IQCJ: variants seen among roughly 807,000 people sequenced by gnomAD.
The protein encoded by IQCJ is IQ motif containing J, also known as IQ domain-containing protein J.
A neutral mutation model predicts 11.0 loss-of-function variants in IQCJ; 9 were observed. That is an observed-to-expected ratio of 0.82 (90% confidence interval 0.49 to 1.43). The LOEUF (loss-of-function observed/expected upper bound fraction) is 1.43, where lower values mean the gene tolerates loss of function less well. IQCJ is among the 40% of genes most tolerant of loss of function. The pLI, the probability that IQCJ is intolerant of heterozygous loss-of-function variation, is 0.00. For synonymous variants in IQCJ, 55 were observed against 51.3 expected, an observed-to-expected ratio of 1.07 and a Z score of -0.31; for missense variants, 146 against 133.2, an observed-to-expected ratio of 1.10 and a Z score of -0.47.
intron 1 of IQCJ, among the ~76,000 whole-genome samples, chr3:159,239,579 C>A (rs901592567): frequency 6.6e-6 from 1 of 152,148 alleles, no homozygotes; most frequent in African/African-American, 2.4e-5. Flanking sequence ...AAAATTACAA[C>A]CTAAAAATTA....
intron 1 of IQCJ, among the ~76,000 whole-genome samples, chr3:159,075,928 G>T (rs73025585): frequency 0.034 from 5,121 of 152,132 alleles, 275 homozygotes; most frequent in African/African-American, 0.12. Flanking sequence ...TGGAGGGTGT[G>T]AGCAGAAGCA....
rs538212813 is a variant in IQCJ, at chr3:159,219,870, C to T, written c.10-25973C>T. 7.2e-4 allele frequency among the ~76,000 whole-genome samples: 110 copies of T among 152,210 alleles called. 1 individual carries two copies. The South Asian group carries it at 7.9e-3, about 11-fold the overall frequency. ...AGTGCTCTCTCAGTGTCAGTCCCAC[C>T]GGACAAGGCCCTGGGTGAGTGAAGG... On this transcript the variant is annotated intron_variant, in intron 1 of 3. Coordinates refer to ENST00000397832, the MANE Select transcript of IQCJ (RefSeq NM_001042706.3).
At chr3:159,111,397 GA>G (rs916595108) in intron 1 of IQCJ, among the ~76,000 whole-genome samples, 14 of 151,000 alleles carry the variant, frequency 9.3e-5, no homozygotes, top group Non-Finnish European at 1.9e-4. Flanking sequence ...TGAAAATGAT[GA>G]AAAAAAAACT....
In IQCJ at chr3:159,109,888, C is replaced by T. The variant is rs550578497; in HGVS notation, c.9+40447C>T. Among the ~76,000 whole-genome samples the T allele has an allele frequency of 2.0e-5, 3 of 152,322 alleles. No individual in the cohort carries two copies. In the South Asian group the frequency reaches 6.2e-4, roughly 32 times the overall value. On this transcript the variant is annotated intron_variant, in intron 1 of 3. Transcript: ENST00000397832. ...ACAAGGGTGAAATCAGGGATTGGTA[C>T]AGCAAGGGTCACTAATACCTATATA...
chr3:159,154,678 A>G (rs77760254), intron 1 of IQCJ, among the ~76,000 whole-genome samples: 4,379 of 152,178 alleles, frequency 0.029, 203 homozygotes, highest in African/African-American at 0.1. Flanking sequence ...AAGTCCTTTC[A>G]AGCCTGCTGC....
chr3:159,244,527 T>C (rs1454647584), intron 1 of IQCJ, among the ~76,000 whole-genome samples: 1 of 152,224 alleles, frequency 6.6e-6, no homozygotes, highest in Non-Finnish European at 1.5e-5. Context: ...TGAACAATTC[T>C]TTGCTCTTCC....
chr3:159,176,744 C>T (rs1327207580), intron 1 of IQCJ, among the ~76,000 whole-genome samples: 1 of 152,124 alleles, frequency 6.6e-6, no homozygotes, highest in Non-Finnish European at 1.5e-5. Flanking sequence ...CTTTCATATA[C>T]TCCAGTTAAA....
At chr3:159,069,492 G>A in intron 1 of IQCJ, 51 bp downstream of exon 1, 1 of 1,571,698 alleles carries the variant, frequency 6.4e-7, no homozygotes, top group Non-Finnish European at 8.6e-7. Flanking sequence ...ATTATATGCA[G>A]CTGCTTATTA....
chr3:159,160,612 A>G (rs1721787543), intron 1 of IQCJ, among the ~76,000 whole-genome samples: 1 of 151,840 alleles, frequency 6.6e-6, no homozygotes, highest in East Asian at 1.9e-4. Context: ...TGCATGTGCC[A>G]TGCTGGTGTG....
chr3:159,072,723 A>T (rs868790299), intron 1 of IQCJ, among the ~76,000 whole-genome samples: 4 of 152,110 alleles, frequency 2.6e-5, no homozygotes, highest in African/African-American at 4.8e-5. Context: ...TATCTTATAT[A>T]GTCCTCATTG....
intron 1 of IQCJ, among the ~76,000 whole-genome samples, chr3:159,242,457 G>A (rs1054629401): frequency 1.6e-4 from 24 of 151,916 alleles, no homozygotes; most frequent in Non-Finnish European, 5.9e-5. Flanking sequence ...TCTTTAATGT[G>A]TGGTTTTCCT....
intron 2 of IQCJ, among the ~76,000 whole-genome samples, chr3:159,247,176 G>A (rs1470698393): frequency 1.3e-5 from 2 of 152,064 alleles, no homozygotes; most frequent in Non-Finnish European, 2.9e-5. Context: ...AGCTCACTGC[G>A]ACCTCCGCCT....
rs143414809 is a variant in IQCJ, at chr3:159,157,676, A to G, written c.10-88167A>G. On this transcript the variant is annotated intron_variant, in intron 1 of 3. Coordinates refer to ENST00000397832, the MANE Select transcript of IQCJ (RefSeq NM_001042706.3). The stretch of plus-strand genomic sequence containing the variant: ...AATTTCCCTTCTGCCCTTGTCTAAC[A>G]TCTACATGATTCTCATGGCCCAGCA... Among the ~76,000 whole-genome samples, 216 of 152,332 alleles carry G rather than the reference A, an allele frequency of 1.4e-3. 1 individual carries two copies. The highest frequency in any genetic ancestry group is 6.8e-3 in the Middle Eastern group (2 of 294).
At chr3:159,156,900 G>A (rs1721555195) in intron 1 of IQCJ, among the ~76,000 whole-genome samples, 1 of 152,164 alleles carries the variant, frequency 6.6e-6, no homozygotes, top group African/African-American at 2.4e-5. Flanking sequence ...GCTATGAGAA[G>A]GAGGCCAGCC....
intron 1 of IQCJ, among the ~76,000 whole-genome samples, chr3:159,236,185 A>T (rs1028765462): frequency 5.9e-5 from 9 of 151,936 alleles, no homozygotes; most frequent in Non-Finnish European, 1.0e-4. Context: ...GCTGCAAGGT[A>T]ACTTCCCTGT....
chr3:159,070,002 T>G (rs960072876), intron 1 of IQCJ: 7 of 226,652 alleles, frequency 3.1e-5, no homozygotes, highest in African/African-American at 1.6e-4. Context: ...CAGTAAGCAC[T>G]GAGGGGAAGA....
chr3:159,257,978 T>G (rs972897273), intron 3 of IQCJ, among the ~76,000 whole-genome samples: 1 of 152,170 alleles, frequency 6.6e-6, no homozygotes, highest in African/African-American at 2.4e-5. Context: ...GTTGTAAGTA[T>G]CAGAAACTCA....
intron 1 of IQCJ, among the ~76,000 whole-genome samples, chr3:159,178,129 T>C (rs1722885988): frequency 6.6e-6 from 1 of 152,220 alleles, no homozygotes; most frequent in South Asian, 2.1e-4. Flanking sequence ...GGATACCACA[T>C]AGTAGAAACT....
At chr3:159,209,479 G>A (rs191464383) in intron 1 of IQCJ, among the ~76,000 whole-genome samples, 7 of 152,276 alleles carry the variant, frequency 4.6e-5, no homozygotes, top group Non-Finnish European at 1.0e-4. Flanking sequence ...TGGAGGAGAA[G>A]CCAGGTACCA....
Sources: gnomAD v4.1 joint callset for allele counts (sites outside exome capture counted in the v4.1 genomes callset) on GRCh38, gnomAD v4.1.1 for gene constraint, MANE v1.5 for transcripts, NCBI Gene and HGNC (gene_info 2026-07-23, HGNC 2026-07-21) for gene names.